The following MGAT4C variants were observed in gnomAD, a reference collection of about 807,000 sequenced individuals.
MGAT4C encodes the protein MGAT4 family member C.
A neutral mutation model predicts 40.1 loss-of-function variants in MGAT4C; 19 were observed. That is an observed-to-expected ratio of 0.47 (90% CI 0.33 to 0.70). The LOEUF is 0.70. MGAT4C is among the 30% of genes least tolerant of loss of function. The pLI, the probability that MGAT4C is intolerant of heterozygous loss-of-function variation, is 0.02. For synonymous variants in MGAT4C, 181 were observed against 187.1 expected (o/e 0.97, Z 0.27); for missense variants, 491 against 563.2 (o/e 0.87, Z 1.30).
intron 3 of MGAT4C, among the ~76,000 whole-genome samples, chr12:86,408,362 T>C (rs903651950): frequency 6.6e-6 from 1 of 151,098 alleles, no homozygotes; most frequent in Non-Finnish European, 1.5e-5. Flanking sequence ...TTTGAGGAGA[T>C]TTTGTGAAGC....
At chr12:86,325,876 C>A (rs1206327755) in intron 4 of MGAT4C, among the ~76,000 whole-genome samples, 1 of 88,610 alleles carries the variant, frequency 1.1e-5, no homozygotes, top group Non-Finnish European at 2.8e-5. Context: ...GACCCTGTCT[C>A]CAAAAAGAAA....
intron 2 of MGAT4C, among the ~76,000 whole-genome samples, chr12:86,629,693 C>G (rs1962963075): frequency 6.6e-6 from 1 of 152,110 alleles, no homozygotes; most frequent in Non-Finnish European, 1.5e-5. Context: ...TAAAGATGTT[C>G]TTTGAAACCA....
intron 1 of MGAT4C, among the ~76,000 whole-genome samples, chr12:86,249,089 G>A (rs193112590): frequency 2.9e-3 from 448 of 152,206 alleles, no homozygotes; most frequent in African/African-American, 0.01. Flanking sequence ...GCAATGAACT[G>A]AGTTATTCTA....
chr12:86,042,961 T>G (rs1472820323), intron 2 of MGAT4C, among the ~76,000 whole-genome samples: 3 of 152,030 alleles, frequency 2.0e-5, no homozygotes, highest in Admixed American at 2.0e-4. Flanking sequence ...GGTAGCCTGA[T>G]GGTGTTCACA....
At chr12:86,142,603 C>T (rs899782479) in intron 1 of MGAT4C, among the ~76,000 whole-genome samples, 3 of 151,944 alleles carry the variant, frequency 2.0e-5, no homozygotes, top group African/African-American at 7.3e-5. Context: ...AGCTGAATAG[C>T]TGAATATATA....
intron 2 of MGAT4C, among the ~76,000 whole-genome samples, chr12:86,530,247 G>C (rs1212053102): frequency 2.0e-5 from 3 of 151,858 alleles, no homozygotes; most frequent in Non-Finnish European, 4.4e-5. Flanking sequence ...CTTGGCATTA[G>C]CAACTAGTTC....
chr12:86,556,491 G>C (rs1565846844), intron 2 of MGAT4C, among the ~76,000 whole-genome samples: 2 of 151,978 alleles, frequency 1.3e-5, no homozygotes, highest in East Asian at 3.9e-4. Context: ...AGACTGGAAA[G>C]ATAGTCAATG....
intron 4 of MGAT4C, among the ~76,000 whole-genome samples, chr12:86,315,574 C>A (rs992674685): frequency 6.6e-6 from 1 of 151,886 alleles, no homozygotes; most frequent in Admixed American, 6.6e-5. Context: ...GGCGTGGTGG[C>A]GGGCGCCTGT....
At chr12:86,573,995 T>C (rs1177649167) in intron 2 of MGAT4C, among the ~76,000 whole-genome samples, 1 of 151,816 alleles carries the variant, frequency 6.6e-6, no homozygotes, top group East Asian at 1.9e-4. Context: ...TTATATACTC[T>C]TACACAAGGT....
Position 86,343,885 on chromosome 12 carries a change from T to C in MGAT4C, c.-119-9758A>G, listed in dbSNP as rs538968134. 2.6e-5 allele frequency among the ~76,000 whole-genome samples: 4 copies of C among 152,274 alleles called. 1 individual carries two copies. The highest frequency in any genetic ancestry group is 1.3e-4 in the Admixed American group (2 of 15,280). On this transcript the variant is annotated intron_variant, in intron 3 of 7. Coordinates refer to the MGAT4C transcript ENST00000548651. ...TTCATTTTTGAATGTGTTTTTTTTA[T>C]AGGTCTGTGTGCTTACATATGAGTG... is the stretch of plus-strand genomic sequence containing the variant.
intron 4 of MGAT4C, among the ~76,000 whole-genome samples, chr12:86,287,829 T>C (rs917180823): frequency 3.3e-5 from 5 of 152,210 alleles, no homozygotes; most frequent in Non-Finnish European, 1.5e-5. Flanking sequence ...TGTGTCCTTA[T>C]AGTAGAATGA....
At chr12:86,102,154 G>A (rs1402899342) in intron 1 of MGAT4C, among the ~76,000 whole-genome samples, 1 of 151,884 alleles carries the variant, frequency 6.6e-6, no homozygotes, top group Non-Finnish European at 1.5e-5. Context: ...GGAACCAAAT[G>A]CTGATGTAAA....
At chr12:86,633,156 A>T (rs1239106296) in intron 2 of MGAT4C, among the ~76,000 whole-genome samples, 1 of 152,004 alleles carries the variant, frequency 6.6e-6, no homozygotes, top group Non-Finnish European at 1.5e-5. Context: ...ATAACCGATT[A>T]TTGCAAGTTT....
chr12:86,021,263 A>G (rs1474995655), intron 2 of MGAT4C, among the ~76,000 whole-genome samples: 1 of 152,176 alleles, frequency 6.6e-6, no homozygotes, highest in Non-Finnish European at 1.5e-5. Context: ...ATTATAAACC[A>G]TGCTGCTATA....
chr12:86,131,238 A>G (rs550845471), intron 1 of MGAT4C, among the ~76,000 whole-genome samples: 29 of 152,264 alleles, frequency 1.9e-4, no homozygotes, highest in African/African-American at 6.7e-4. Flanking sequence ...ACAATAATGT[A>G]TATAGAATAC....
intron 2 of MGAT4C, among the ~76,000 whole-genome samples, chr12:86,660,271 A>G (rs1406262757): frequency 6.6e-6 from 1 of 152,090 alleles, no homozygotes; most frequent in African/African-American, 2.4e-5. Flanking sequence ...TTGAAGAAGA[A>G]GGAGAAGTCA....
intron 3 of MGAT4C, among the ~76,000 whole-genome samples, chr12:86,388,625 G>A (rs1441225172): frequency 6.7e-6 from 1 of 149,330 alleles, no homozygotes; most frequent in East Asian, 2.0e-4. Context: ...TCCCACTGAA[G>A]CAAACTGCCT....
chr12:86,184,752 A>C (rs1888548343), intron 1 of MGAT4C, among the ~76,000 whole-genome samples: 1 of 150,526 alleles, frequency 6.6e-6, no homozygotes, highest in East Asian at 1.9e-4. Flanking sequence ...AAAAAAAAAA[A>C]AAAAAAAAAA....
intron 1 of MGAT4C, among the ~76,000 whole-genome samples, chr12:86,768,482 A>T (rs1192863137): frequency 6.6e-6 from 1 of 152,074 alleles, no homozygotes. Flanking sequence ...CCATCAAGCT[A>T]CCAATGACTT....
Sources: gnomAD v4.1 joint callset for allele counts (sites outside exome capture counted in the v4.1 genomes callset) on GRCh38, gnomAD v4.1.1 for gene constraint, MANE v1.5 for transcripts, NCBI Gene and HGNC (gene_info 2026-07-23, HGNC 2026-07-21) for gene names.